Variants in ZKSCAN8 observed in about 807,000 individuals in gnomAD.
The protein encoded by ZKSCAN8 is zinc finger with KRAB and SCAN domains 8, also known as zinc finger protein with KRAB and SCAN domains 8.
Under a neutral mutation model 57.2 loss-of-function variants are expected in ZKSCAN8, and 27 were observed. That is an observed-to-expected ratio of 0.47 (90% CI 0.35 to 0.65). The LOEUF (loss-of-function observed/expected upper bound fraction) is 0.65, where lower values mean the gene tolerates loss of function less well. Among genes scored for constraint, ZKSCAN8 ranks in the 30% least tolerant of loss-of-function variants. The pLI is 0.01. For missense variants in ZKSCAN8, 597 were observed against 696.3 expected (o/e 0.86, Z 1.60); for synonymous variants, 214 against 248.7 (o/e 0.86, Z 1.31).
intron 3 of ZKSCAN8, among the ~76,000 whole-genome samples, chr6:28,150,329 G>T (rs1273969195): frequency 6.6e-6 from 1 of 151,990 alleles, no homozygotes; most frequent in African/African-American, 2.4e-5. Flanking sequence ...TTACATTGAG[G>T]TCATATATAT....
Position 28,153,338 on chromosome 6 carries a change from ATG to A in ZKSCAN8, c.1065_1066del (p.Cys355TrpfsTer2). The A allele has an allele frequency of 6.2e-7, 1 of 1,614,146 alleles. No individual in the cohort carries two copies. Among genetic ancestry groups the A allele is most frequent in the South Asian group, 1.1e-5 (1 of 91,078 alleles). ...ACTGGGGAGAAACCCTATCAGTGTAATGTGTGTGGTAAAGCCTTCAGTTACAG... is the reference window on the plus strand; with the variant it reads ...ACTGGGGAGAAACCCTATCAGTGTAATGTGTGGTAAAGCCTTCAGTTACAG... On this transcript the variant is annotated frameshift_variant, in exon 6 of 6. Coordinates refer to ENST00000330236, the MANE Select transcript of ZKSCAN8 (RefSeq NM_006298.4). LOFTEE classifies it high-confidence loss of function.
Position 28,153,057 on chromosome 6 carries a change from T to C in ZKSCAN8, c.777T>C (p.Gly259=), listed in dbSNP as rs1765646248. The C allele has an allele frequency of 6.2e-7, 1 of 1,612,434 alleles. No homozygotes were observed. The highest frequency in any genetic ancestry group is 8.5e-7 in the Non-Finnish European group (1 of 1,178,826). ...PENFRNMFSL[G]GETRSENREL... is the part of the protein sequence containing the mutation. Reference sequence around the variant, plus strand: ...TTGTTTATTACATTTTTATTTCAGGTGGTGAGACCAGGAGTGAGAACAGGG... The same window carrying C: ...TTGTTTATTACATTTTTATTTCAGGCGGTGAGACCAGGAGTGAGAACAGGG... Residue 259 remains glycine, a splice_region_variant and synonymous_variant, in exon 6 of 6, where the codon GGT becomes GGC. Coordinates refer to ENST00000330236, the MANE Select transcript of ZKSCAN8 (RefSeq NM_006298.4).
Position 28,157,334 on chromosome 6 carries a change from G to A in ZKSCAN8, c.*3317G>A, listed in dbSNP as rs951352865. ...CACCCACGACACGTGGGAATTGTGG[G>A]AGCTACAATTCAAGATGAGATTTGG... On this transcript the variant is annotated 3_prime_UTR_variant, in exon 6 of 6. Coordinates refer to ENST00000330236, the MANE Select transcript of ZKSCAN8 (RefSeq NM_006298.4). 1 of 152,162 alleles carries A rather than the reference G, an allele frequency of 6.6e-6. No homozygotes were observed. The highest frequency in any genetic ancestry group is 1.5e-5 in the Non-Finnish European group (1 of 68,038). The allele number at this position is 152,162 out of a possible 1,614,324, so 9.4% of individuals were successfully genotyped here. A position where few individuals can be genotyped will look rare whatever the true frequency, so the allele number is the denominator to read the frequency against.
At chr6:28,145,258 TC>T (rs1249784296) in intron 1 of ZKSCAN8, among the ~76,000 whole-genome samples, 6 of 152,048 alleles carry the variant, frequency 3.9e-5, no homozygotes, top group Admixed American at 3.3e-4. Context: ...TTATGAAAGG[TC>T]CCTGGGATGG....
At position 28,148,603 on chromosome 6, in the gene ZKSCAN8, C is replaced by T. The variant is rs1368535863; in HGVS notation, c.196C>T (p.Arg66Ter). 4.3e-6 allele frequency: 7 copies of T among 1,613,982 alleles called. No individual in the cohort carries two copies. The highest frequency in any genetic ancestry group is 1.1e-5 in the South Asian group (1 of 91,072). The change falls in exon 2 of 6, where the codon CGA (arginine) becomes TGA (stop). Residue 66 changes from arginine (R) to a stop codon, truncating the protein, a stop_gained. Coordinates refer to ENST00000330236, the MANE Select transcript of ZKSCAN8 (RefSeq NM_006298.4). LOFTEE classifies it high-confidence loss of function. ...ACGCTACCAGGAGACACTAGGACCC[C>T]GAGAAGCTCTGATCCAACTACGGGC... ...QLRYQETLGP[R>*]EALIQLRALC...
rs755669536 is a variant in ZKSCAN8 at position 28,148,579 on chromosome 6, C to A, written c.172C>A (p.Arg58Ser). 1.7e-5 allele frequency: 27 copies of A among 1,614,050 alleles called. No homozygotes were observed. Among genetic ancestry groups the A allele is most frequent in the Non-Finnish European group, 2.1e-5 (25 of 1,180,032 alleles). ...GTTCCGCCTGCGCTTCAGGCAGTTA[C>A]GCTACCAGGAGACACTAGGACCCCG... ...EVFRLRFRQL[R>S]YQETLGPREA... The change falls in exon 2 of 6, where the codon CGC (arginine) becomes AGC (serine). Residue 58 changes from arginine to serine, a missense_variant. Transcript: ENST00000330236.
chr6:28,148,883 G>T, intron 2 of ZKSCAN8, 59 bp downstream of exon 2: 2 of 1,544,128 alleles, frequency 1.3e-6, no homozygotes, highest in Non-Finnish European at 8.7e-7. Flanking sequence ...TTGGTAGAGG[G>T]ACATAGGCAT....
rs147066723 is a variant in ZKSCAN8 at position 28,148,502 on chromosome 6, G to A, written c.95G>A (p.Gly32Asp). ...ATCGTCAAGGTAGAGGAGGATCATG[G>A]TTGGGACCAGGAATCTAGTCTGCAT... ...LVIVKVEEDH[G>D]WDQESSLHES... Residue 32 changes from glycine (G) to aspartate (D), a missense_variant, in exon 2 of 6, where the codon GGT becomes GAT. Coordinates refer to ENST00000330236, the MANE Select transcript of ZKSCAN8 (RefSeq NM_006298.4). The A allele has an allele frequency of 2.7e-5, 43 of 1,614,172 alleles. No individual in the cohort carries two copies. Among genetic ancestry groups the A allele is most frequent in the Non-Finnish European group, 3.4e-5 (40 of 1,180,038 alleles).
chr6:28,153,563 A>G lies in ZKSCAN8; in HGVS notation c.1283A>G (p.His428Arg), dbSNP rs1765678540. Reference sequence around the variant, plus strand: ...GGCCTTATTCTGCACCAGAGAATCCACAGTGGAGAGAGACCCTATGAATGT... The same window carrying G: ...GGCCTTATTCTGCACCAGAGAATCCGCAGTGGAGAGAGACCCTATGAATGT... ...SAGLILHQRI[H>R]SGERPYECNE... Residue 428 changes from histidine to arginine, a missense_variant, in exon 6 of 6, where the codon CAC (histidine) becomes CGC (arginine). Physicochemically the swap from His to Arg is conservative, Grantham distance 29. Transcript: ENST00000330236. The G allele has an allele frequency of 1.2e-6, 2 of 1,613,970 alleles. No homozygotes were observed. Among genetic ancestry groups the G allele is most frequent in the African/African-American group, 1.3e-5 (1 of 74,892 alleles).
At position 28,151,942 on chromosome 6, in the gene ZKSCAN8, T is replaced by A; in HGVS notation, c.651+6T>A. The stretch of plus-strand genomic sequence containing the variant: ...TTCTCACAGCAGGGTTCCAGGTGAG[T>A]TGTGCTCCTTCTCACTGAAACGCCA... On this transcript the variant is annotated splice_donor_region_variant and intron_variant, in intron 4 of 5. Coordinates refer to ENST00000330236, the MANE Select transcript of ZKSCAN8 (RefSeq NM_006298.4). 1 of 1,613,624 alleles carries A rather than the reference T, an allele frequency of 6.2e-7. No homozygotes were observed. The highest frequency in any genetic ancestry group is 8.5e-7 in the Non-Finnish European group (1 of 1,179,578).
Position 28,154,136 on chromosome 6 carries a change from T to G in ZKSCAN8, c.*119T>G. 6 of 1,422,082 alleles carry G rather than the reference T, an allele frequency of 4.2e-6. No homozygotes were observed. Among genetic ancestry groups the G allele is most frequent in the Non-Finnish European group, 5.6e-6 (6 of 1,068,892 alleles). The allele number at this position is 1,422,082 out of a possible 1,614,324, so 88.1% of individuals were successfully genotyped here. On this transcript the variant is annotated 3_prime_UTR_variant, in exon 6 of 6. Coordinates refer to ENST00000330236, the MANE Select transcript of ZKSCAN8 (RefSeq NM_006298.4). The stretch of plus-strand genomic sequence containing the variant: ...ATCACAACTTTAGTGTCAGAATCTA[T>G]AGTGGTGGCAAAGTTAGGATAGCTC...
At chr6:28,148,965 ACTTGTAGAGTT>A in intron 2 of ZKSCAN8, 141 bp downstream of exon 2, 1 of 992,588 alleles carries the variant, frequency 1.0e-6, no homozygotes, top group Non-Finnish European at 1.4e-6. Context: ...GTGTAGTATG[ACTTGTAGAGTT>A]CTTTTTACTT....
At chr6:28,149,103 G>A (rs1044334522) in intron 2 of ZKSCAN8, among the ~76,000 whole-genome samples, 1 of 152,112 alleles carries the variant, frequency 6.6e-6, no homozygotes, top group South Asian at 2.1e-4. Context: ...TTTTTCAGGG[G>A]TATCCAAATA....
In ZKSCAN8 at chr6:28,146,457, G is replaced by A. The variant is rs193183143; in HGVS notation, c.-92-1859G>A. ...CCTTTAAGAAAGTAGTGTCGGTACTGATGAAAGAAGTCAAAGAAGACTTCA... is the reference window on the plus strand; with the variant it reads ...CCTTTAAGAAAGTAGTGTCGGTACTAATGAAAGAAGTCAAAGAAGACTTCA... On this transcript the variant is annotated intron_variant, in intron 1 of 5. Transcript: ENST00000330236. Among the ~76,000 whole-genome samples the A allele has an allele frequency of 2.6e-5, 4 of 152,326 alleles. No homozygotes were observed. The East Asian group carries it at 7.7e-4, about 29-fold the overall frequency.
rs1290838264 is a variant in ZKSCAN8, at chr6:28,155,705, T to C, written c.*1688T>C. On this transcript the variant is annotated 3_prime_UTR_variant, in exon 6 of 6. Transcript: ENST00000330236. ...GAAATAATAATCATTTTATGATTGA[T>C]GGGCCAAAAAAAGCAATCAAAGTCT... 6.4e-6 allele frequency: 1 copy of C among 155,192 alleles called. No individual in the cohort carries two copies. The highest frequency in any genetic ancestry group is 1.4e-5 in the Non-Finnish European group (1 of 70,242). The allele number at this position is 155,192 out of a possible 1,614,324, so 9.6% of individuals were successfully genotyped here.
Position 28,149,630 on chromosome 6 carries a change from T to C in ZKSCAN8, c.559+6T>C. On this transcript the variant is annotated splice_donor_region_variant and intron_variant, in intron 3 of 5. Coordinates refer to ENST00000330236, the MANE Select transcript of ZKSCAN8 (RefSeq NM_006298.4). Reference sequence around the variant, plus strand: ...CCAAGAGTCACAAGAGAGAGGTGAGTAGCCAGATTTCATTGATGATAAGGG... The same window carrying C: ...CCAAGAGTCACAAGAGAGAGGTGAGCAGCCAGATTTCATTGATGATAAGGG... 1 of 1,613,182 alleles carries C rather than the reference T, an allele frequency of 6.2e-7. No homozygotes were observed. The highest frequency in any genetic ancestry group is 8.5e-7 in the Non-Finnish European group (1 of 1,179,686).
intron 1 of ZKSCAN8, among the ~76,000 whole-genome samples, chr6:28,142,529 G>GT (rs34778634): frequency 0.02 from 2,974 of 145,206 alleles, 66 homozygotes; most frequent in African/African-American, 0.059. Flanking sequence ...TTGTACGAAA[G>GT]TTTTTTTTTT....
chr6:28,151,819 C>G lies in ZKSCAN8; in HGVS notation c.560-26C>G, dbSNP rs750202782. ...CACAACCACAGGACAGGACTGGTCT[C>G]ATTCATAGCTCCTTTCTCCTCTCAG... On this transcript the variant is annotated intron_variant, in intron 3 of 5. Coordinates refer to ENST00000330236, the MANE Select transcript of ZKSCAN8 (RefSeq NM_006298.4). The G allele has an allele frequency of 4.4e-6, 7 of 1,592,566 alleles. No homozygotes were observed. In the South Asian group the frequency reaches 5.5e-5, roughly 13 times the overall value.
rs1413475684 is a variant in ZKSCAN8, at chr6:28,154,384, C to T, written c.*367C>T. 5.6e-6 allele frequency: 1 copy of T among 177,588 alleles called. No homozygotes were observed. Among genetic ancestry groups the T allele is most frequent in the African/African-American group, 2.4e-5 (1 of 42,136 alleles). 11.0% of individuals were successfully genotyped at this position (177,588 alleles called of 1,614,324 possible). A position where few individuals can be genotyped will look rare whatever the true frequency, so the allele number is the denominator to read the frequency against. On this transcript the variant is annotated 3_prime_UTR_variant, in exon 6 of 6. Transcript: ENST00000330236. ...TCCTAGTTCCTGTGCTTCTTCCCAT[C>T]TCCTGTGATCCCCCTCTCCCATTTA...
Sources: gnomAD v4.1 joint callset for allele counts (sites outside exome capture counted in the v4.1 genomes callset) on GRCh38, gnomAD v4.1.1 for gene constraint, MANE v1.5 for transcripts, NCBI Gene and HGNC (gene_info 2026-07-23, HGNC 2026-07-21) for gene names.